PCDH15: variants seen among roughly 807,000 people sequenced by gnomAD.
The protein encoded by PCDH15 is protocadherin-15.
A neutral mutation model predicts 178.5 loss-of-function variants in PCDH15; 129 were observed. The observed-to-expected ratio is 0.72, with a 90% CI of 0.63 to 0.84. PCDH15 has a LOEUF of 0.84. Among genes scored for constraint, PCDH15 ranks in the 40% least tolerant of loss-of-function variants. The pLI, the probability that PCDH15 is intolerant of heterozygous loss-of-function variation, is 0.00. For missense variants in PCDH15, 2,230 were observed against 2,099.9 expected (o/e 1.06, Z -1.21); for synonymous variants, 800 against 732.0 (o/e 1.09, Z -1.50).
intron 8 of PCDH15, among the ~76,000 whole-genome samples, chr10:54,238,241 T>C (rs1471461424): frequency 2.6e-5 from 4 of 152,096 alleles, no homozygotes; most frequent in East Asian, 1.9e-4. Flanking sequence ...TGACAGAACA[T>C]TGAAATATGT....
chr10:55,008,247 T>C (rs76559791), intron 2 of PCDH15, among the ~76,000 whole-genome samples: 1,932 of 112,768 alleles, frequency 0.017, 111 homozygotes, highest in Admixed American at 0.13. Flanking sequence ...TGTAGATAAA[T>C]CTTTGAAAAA....
intron 1 of PCDH15, among the ~76,000 whole-genome samples, chr10:55,178,380 TGG>T (rs985623988): frequency 2.0e-5 from 3 of 152,132 alleles, no homozygotes; most frequent in Non-Finnish European, 2.9e-5. Flanking sequence ...GGCCACCTCT[TGG>T]GAATACACCT....
intron 1 of PCDH15, among the ~76,000 whole-genome samples, chr10:55,274,553 C>A (rs183000271): frequency 6.6e-6 from 1 of 152,186 alleles, no homozygotes; most frequent in East Asian, 1.9e-4. Context: ...TGTCTGGAAG[C>A]TGTTTACTCT....
chr10:55,585,952 T>TCC (rs1329606820), intron 2 of PCDH15, among the ~76,000 whole-genome samples: 1 of 152,078 alleles, frequency 6.6e-6, no homozygotes, highest in Non-Finnish European at 1.5e-5. Context: ...AGGATGAATC[T>TCC]CCACATTTTT....
intron 2 of PCDH15, among the ~76,000 whole-genome samples, chr10:55,125,637 A>G (rs1260621624): frequency 6.6e-6 from 1 of 152,084 alleles, no homozygotes; most frequent in Non-Finnish European, 1.5e-5. Context: ...CCATTACGAG[A>G]GAAAAAAAGC....
At position 53,822,777 on chromosome 10, in the gene PCDH15, G is replaced by A. The variant is rs1040741437; in HGVS notation, c.4368-2547C>T. 6.2e-7 allele frequency: 1 copy of A among 1,614,108 alleles called. No homozygotes were observed. Among genetic ancestry groups the A allele is most frequent in the East Asian group, 2.2e-5 (1 of 44,864 alleles). ...TGAAGAGAGAGATTTCAACTGTTCTGTTCCTTCTATCATCAGTGTTTCACC... is the reference window on the plus strand; with the variant it reads ...TGAAGAGAGAGATTTCAACTGTTCTATTCCTTCTATCATCAGTGTTTCACC... On this transcript the variant is annotated intron_variant, in intron 32 of 37. Coordinates refer to ENST00000644397, the MANE Select transcript of PCDH15 (RefSeq NM_001384140.1).
At chr10:54,241,318 G>A (rs996320) in intron 8 of PCDH15, among the ~76,000 whole-genome samples, 87,919 of 152,116 alleles carry the variant, frequency 0.58, 27,903 homozygotes, top group Middle Eastern at 0.72. Flanking sequence ...TACGGTATGT[G>A]TTGAAGAAAT....
chr10:54,674,717 G>A (rs2094749383), intron 1 of PCDH15, among the ~76,000 whole-genome samples: 1 of 152,020 alleles, frequency 6.6e-6, no homozygotes, highest in African/African-American at 2.4e-5. Flanking sequence ...ATTTCTTAGA[G>A]ACTGGATTTT....
At chr10:55,159,295 G>C (rs1298922822) in intron 2 of PCDH15, among the ~76,000 whole-genome samples, 1 of 147,712 alleles carries the variant, frequency 6.8e-6, no homozygotes, top group Non-Finnish European at 1.5e-5. Flanking sequence ...TCTATATATA[G>C]TTATATATAT....
intron 4 of PCDH15, 57 bp from the exon 5 acceptor site, chr10:54,369,332 A>G (rs1947299985): frequency 5.3e-6 from 8 of 1,500,254 alleles, no homozygotes; most frequent in Non-Finnish European, 7.4e-6. Flanking sequence ...GCTTCTCATC[A>G]CTGTCAAAGC....
intron 1 of PCDH15, among the ~76,000 whole-genome samples, chr10:54,760,412 TCTC>T (rs942681636): frequency 1.3e-5 from 2 of 152,108 alleles, no homozygotes; most frequent in Non-Finnish European, 2.9e-5. Flanking sequence ...GTGAGGAACA[TCTC>T]CTCCCACACA....
At chr10:54,650,156 A>G (rs995553393) in intron 2 of PCDH15, among the ~76,000 whole-genome samples, 5 of 152,210 alleles carry the variant, frequency 3.3e-5, no homozygotes, top group Non-Finnish European at 7.3e-5. Context: ...TAAATAAATT[A>G]GTATCAGTAA....
At chr10:55,324,128 A>G (rs1183741237), upstream of PCDH15, among the ~76,000 whole-genome samples, 1 of 152,182 alleles carries the variant, frequency 6.6e-6, no homozygotes, top group Non-Finnish European at 1.5e-5. Context: ...ATCCTCAGCC[A>G]TGATTTTGAG....
chr10:54,409,843 G>A (rs1216715146), intron 3 of PCDH15, among the ~76,000 whole-genome samples: 1 of 152,006 alleles, frequency 6.6e-6, no homozygotes, highest in African/African-American at 2.4e-5. Context: ...AGCTGACTTG[G>A]GTGCTCTTGC....
At chr10:53,867,535 T>A (rs2079542794) in intron 26 of PCDH15, among the ~76,000 whole-genome samples, 1 of 152,094 alleles carries the variant, frequency 6.6e-6, no homozygotes, top group South Asian at 2.1e-4. Flanking sequence ...AAATAGATTT[T>A]AAAAAATAAA....
chr10:55,384,098 C>G (rs1389368278), intron 2 of PCDH15, among the ~76,000 whole-genome samples: 2 of 151,910 alleles, frequency 1.3e-5, no homozygotes, highest in Non-Finnish European at 2.9e-5. Flanking sequence ...GTTTACATTC[C>G]CAGGGAATAA....
intron 8 of PCDH15, among the ~76,000 whole-genome samples, chr10:54,284,574 C>T (rs975401968): frequency 2.6e-5 from 4 of 152,086 alleles, no homozygotes; most frequent in East Asian, 1.9e-4. Context: ...TTTTATAGAA[C>T]GTAACATAAA....
chr10:55,303,421 C>A (rs774683971), intron 1 of PCDH15, among the ~76,000 whole-genome samples: 1 of 152,160 alleles, frequency 6.6e-6, no homozygotes, highest in African/African-American at 2.4e-5. Context: ...TTTAGGCATG[C>A]TCTTCCTTAT....
chr10:54,363,816 A>T (rs1463955700), intron 5 of PCDH15, among the ~76,000 whole-genome samples: 1 of 152,208 alleles, frequency 6.6e-6, no homozygotes, highest in Non-Finnish European at 1.5e-5. Flanking sequence ...AAAATAAATA[A>T]ATATAATTAA....
Sources: gnomAD v4.1 joint callset for allele counts (sites outside exome capture counted in the v4.1 genomes callset) on GRCh38, gnomAD v4.1.1 for gene constraint, MANE v1.5 for transcripts, NCBI Gene and HGNC (gene_info 2026-07-23, HGNC 2026-07-21) for gene names.